Variants in TEK observed in about 807,000 individuals in gnomAD.
TEK encodes TEK receptor tyrosine kinase.
TEK carries 43 observed loss-of-function variants against 131.8 expected under a neutral mutation model. That is an observed-to-expected ratio of 0.33 (90% CI 0.26 to 0.42). The LOEUF is 0.42. Ranked by LOEUF, TEK falls within the 10% of genes least tolerant of loss-of-function variation. The pLI, the probability that TEK is intolerant of heterozygous loss-of-function variation, is 1.00. For missense variants in TEK, 1,162 were observed against 1,384.4 expected (o/e 0.84, Z 2.55); for synonymous variants, 580 against 491.6 (o/e 1.18, Z -2.38).
intron 1 of TEK, among the ~76,000 whole-genome samples, chr9:27,156,543 AG>A (rs1284123742): frequency 1.3e-5 from 2 of 152,098 alleles, no homozygotes; most frequent in Admixed American, 6.5e-5. Context: ...TCCAGGCAGA[AG>A]GAACAGCAAA....
intron 5 of TEK, 71 bp from the exon 6 acceptor site, chr9:27,173,151 A>G (rs537494091): frequency 1.5e-5 from 24 of 1,587,690 alleles, no homozygotes; most frequent in Non-Finnish European, 2.0e-5. Context: ...AGGAGAAATG[A>G]ATCTAAAGAA....
At chr9:27,187,950 C>T (rs188315237) in intron 9 of TEK, among the ~76,000 whole-genome samples, 84 of 152,218 alleles carry the variant, frequency 5.5e-4, no homozygotes, top group African/African-American at 1.9e-3. Context: ...CGGTTACATC[C>T]TGAGGTACTA....
Position 27,230,081 on chromosome 9 carries a change from G to C in TEK, c.*849G>C, listed in dbSNP as rs1181987949. ...GTATTGCACATTGTAAAAAGTTTTA[G>C]TTTTGATGAGTTGTGAGTTTACCTT... On this transcript the variant is annotated 3_prime_UTR_variant, in exon 23 of 23. Transcript: ENST00000380036. 1 of 152,114 alleles carries C rather than the reference G, an allele frequency of 6.6e-6. No individual in the cohort carries two copies. The highest frequency in any genetic ancestry group is 1.5e-5 in the Non-Finnish European group (1 of 68,026). 9.4% of individuals were successfully genotyped at this position (152,114 alleles called of 1,614,324 possible).
Position 27,229,198 on chromosome 9 carries a change from C to T in TEK, c.3341C>T (p.Ala1114Val). 1 of 1,613,866 alleles carries T rather than the reference C, an allele frequency of 6.2e-7. No individual in the cohort carries two copies. Among genetic ancestry groups the T allele is most frequent in the Non-Finnish European group, 8.5e-7 (1 of 1,179,770 alleles). Residue 1114 changes from alanine (A) to valine (V), a missense_variant, in exon 23 of 23, where the codon GCA (alanine) becomes GTA (valine). Transcript: ENST00000380036. ...NTTLYEKFTY[A>V]GIDCSAEEAA ...ACGCTTTATGAGAAGTTTACTTATG[C>T]AGGAATTGACTGTTCTGCTGAAGAA... is the stretch of plus-strand genomic sequence containing the variant.
chr9:27,198,264 AC>A (rs1396144169), intron 12 of TEK: 1 of 160,206 alleles, frequency 6.2e-6, no homozygotes, highest in Non-Finnish European at 1.4e-5. Context: ...ACACACAACT[AC>A]CACTGAAGTC....
Position 27,124,038 on chromosome 9 carries a change from A to G in TEK, c.52+14396A>G, listed in dbSNP as rs1282729750. Among the ~76,000 whole-genome samples, 5 of 152,336 alleles carry G rather than the reference A, an allele frequency of 3.3e-5. No homozygotes were observed. The East Asian group carries it at 9.6e-4, about 29-fold the overall frequency. ...GTGACCCACCCTCCTTGGCCTCCCAAAGTGCCGGGTGGGTGGCGTGAGCCA... is the reference window on the plus strand; with the variant it reads ...GTGACCCACCCTCCTTGGCCTCCCAGAGTGCCGGGTGGGTGGCGTGAGCCA... On this transcript the variant is annotated intron_variant, in intron 1 of 22. Transcript: ENST00000380036.
chr9:27,216,769 C>G (rs1353310599), intron 18 of TEK, among the ~76,000 whole-genome samples: 2 of 152,146 alleles, frequency 1.3e-5, no homozygotes, highest in Non-Finnish European at 2.9e-5. Context: ...AGGAGAACAC[C>G]TGCTCTGGAG....
At chr9:27,132,110 C>A (rs1328096882) in intron 1 of TEK, among the ~76,000 whole-genome samples, 12 of 140,298 alleles carry the variant, frequency 8.6e-5, no homozygotes, top group Non-Finnish European at 1.7e-4. Flanking sequence ...TTTCTTGAGA[C>A]GGAGTCTTGC....
rs373064313 is a variant in TEK at position 27,109,654 on chromosome 9, C to G, written c.52+12C>G. ...CTTGCTCCTTTCTGGTAAGGTTTGG[C>G]TTTATTTTTTTTAATTTAGTATTTT... On this transcript the variant is annotated intron_variant, in intron 1 of 22. Transcript: ENST00000380036. The G allele has an allele frequency of 3.1e-6, 5 of 1,613,528 alleles. No individual in the cohort carries two copies. The highest frequency in any genetic ancestry group is 4.2e-6 in the Non-Finnish European group (5 of 1,179,800).
intron 21 of TEK, among the ~76,000 whole-genome samples, chr9:27,225,647 T>C (rs1325263296): frequency 6.6e-6 from 1 of 152,150 alleles, no homozygotes; most frequent in Non-Finnish European, 1.5e-5. Context: ...GAAGAAAACC[T>C]GGGCAATACC....
At chr9:27,113,004 T>A (rs1367251466) in intron 1 of TEK, among the ~76,000 whole-genome samples, 1 of 152,162 alleles carries the variant, frequency 6.6e-6, no homozygotes, top group Non-Finnish European at 1.5e-5. Flanking sequence ...AGCAGAAATA[T>A]GAAGTCCAAA....
At chr9:27,227,580 A>G (rs1457392908) in intron 21 of TEK, among the ~76,000 whole-genome samples, 9 of 152,290 alleles carry the variant, frequency 5.9e-5, no homozygotes, top group African/African-American at 9.6e-5. Context: ...ATAGATGGCC[A>G]TCTTTCTGCT....
intron 21 of TEK, among the ~76,000 whole-genome samples, chr9:27,227,936 G>C (rs1264283301): frequency 1.3e-5 from 2 of 152,128 alleles, no homozygotes; most frequent in East Asian, 3.9e-4. Context: ...TGCTGCTCTA[G>C]ACACATACCC....
intron 21 of TEK, among the ~76,000 whole-genome samples, chr9:27,221,181 G>A (rs778500886): frequency 9.2e-5 from 14 of 152,276 alleles, no homozygotes; most frequent in South Asian, 2.1e-4. Context: ...GGAGCCCACC[G>A]CCGCTCCTCA....
chr9:27,228,147 C>A, intron 21 of TEK, 59 bp from the exon 22 acceptor site: 1 of 1,403,912 alleles, frequency 7.1e-7, no homozygotes, highest in Non-Finnish European at 1.0e-6. Context: ...TCTTTTCCTG[C>A]CGTGCCTAGG....
intron 1 of TEK, among the ~76,000 whole-genome samples, chr9:27,151,405 C>T (rs573287548): frequency 2.0e-4 from 30 of 152,232 alleles, no homozygotes; most frequent in Middle Eastern, 3.4e-3. Context: ...AGAGAAAGAA[C>T]ATTCTAGAAT....
chr9:27,120,073 C>A (rs551057049), intron 1 of TEK, among the ~76,000 whole-genome samples: 1 of 152,314 alleles, frequency 6.6e-6, no homozygotes, highest in East Asian at 1.9e-4. Context: ...AAACATCCAT[C>A]TATTTTATTA....
intron 2 of TEK, among the ~76,000 whole-genome samples, chr9:27,159,470 C>T (rs1179211374): frequency 2.0e-5 from 3 of 152,190 alleles, no homozygotes; most frequent in African/African-American, 4.8e-5. Flanking sequence ...TTAGGGCCCT[C>T]TTTGCAGGCT....
chr9:27,110,874 C>G (rs1263991853), intron 1 of TEK, among the ~76,000 whole-genome samples: 2 of 151,508 alleles, frequency 1.3e-5, no homozygotes, highest in South Asian at 4.2e-4. Flanking sequence ...GTTGACTTCT[C>G]CAATAATATG....
Sources: allele counts gnomAD v4.1 joint callset (sites outside exome capture counted in the v4.1 genomes callset), GRCh38; gene constraint gnomAD v4.1.1; transcripts MANE v1.5; gene names NCBI Gene and HGNC (gene_info 2026-07-23, HGNC 2026-07-21).